RO60: variants seen among roughly 807,000 people sequenced by gnomAD.
RO60 encodes the protein RNA-binding protein RO60.
RO60 carries 20 observed loss-of-function variants against 55.3 expected under a neutral mutation model. The ratio of observed to expected loss-of-function variants is 0.36; its 90% confidence interval spans 0.25 to 0.53. The LOEUF (loss-of-function observed/expected upper bound fraction) is 0.53. Among genes scored for constraint, RO60 ranks in the 20% least tolerant of loss-of-function variants. RO60 has a pLI of 0.92. For synonymous variants in RO60, 213 were observed against 213.6 expected (o/e 1.00, Z 0.02); for missense variants, 558 against 646.6 (o/e 0.86, Z 1.49).
intron 2 of RO60, among the ~76,000 whole-genome samples, chr1:193,071,298 T>TATAC (rs1257070689): frequency 1.3e-5 from 2 of 152,218 alleles, no homozygotes; most frequent in Non-Finnish European, 2.9e-5. Flanking sequence ...GCCCTTGCTG[T>TATAC]ATATCAGATG....
At chr1:193,067,761 C>T (rs1264017581) in intron 1 of RO60, among the ~76,000 whole-genome samples, 1 of 152,088 alleles carries the variant, frequency 6.6e-6, no homozygotes, top group Non-Finnish European at 1.5e-5. Context: ...ACAGCTAGTT[C>T]TAGGAGTTTT....
intron 1 of RO60, among the ~76,000 whole-genome samples, chr1:193,062,353 G>A (rs1166031524): frequency 6.6e-6 from 1 of 152,176 alleles, no homozygotes; most frequent in African/African-American, 2.4e-5. Flanking sequence ...GCTTTTAAAA[G>A]TCAAATATAA....
rs778493226 is a variant in RO60 at position 193,082,266 on chromosome 1, G to A, written c.1284G>A (p.Met428Ile). The change falls in exon 7 of 9, where the codon ATG (methionine) becomes ATA (isoleucine). Residue 428 changes from methionine (M) to isoleucine (I), a missense_variant. By Grantham distance (10) the Met-to-Ile change is conservative. Coordinates refer to ENST00000400968, the MANE Select transcript of RO60 (RefSeq NM_001173524.2). ...EMVPCPVTTD[M>I]TLQQVLMAMS... is the part of the protein sequence containing the mutation. ...TACCATGTCCAGTGACTACAGATAT[G>A]ACCTTACAACAGGTTTTAATGGCTA... is the stretch of plus-strand genomic sequence containing the variant. 6.2e-7 allele frequency: 1 copy of A among 1,612,862 alleles called. No homozygotes were observed. Among genetic ancestry groups the A allele is most frequent in the African/African-American group, 1.3e-5 (1 of 74,858 alleles).
intron 1 of RO60, among the ~76,000 whole-genome samples, chr1:193,064,988 A>T (rs949212349): frequency 1.3e-5 from 2 of 152,176 alleles, no homozygotes; most frequent in African/African-American, 4.8e-5. Context: ...TTTCTTTAGA[A>T]CTTTATTTTT....
At chr1:193,082,839 A>C in intron 8 of RO60, 131 bp downstream of exon 8, 12 of 685,546 alleles carry the variant, frequency 1.8e-5, no homozygotes, top group Middle Eastern at 4.2e-4. Flanking sequence ...GTCATAGCTC[A>C]CTGCAACCTC....
At chr1:193,061,375 CAG>C (rs1672702731) in intron 1 of RO60, among the ~76,000 whole-genome samples, 1 of 152,168 alleles carries the variant, frequency 6.6e-6, no homozygotes, top group Non-Finnish European at 1.5e-5. Context: ...ATAGATATGT[CAG>C]CTTTGACTTC....
intron 2 of RO60, among the ~76,000 whole-genome samples, chr1:193,072,514 A>G (rs1673590163): frequency 6.7e-6 from 1 of 150,258 alleles, no homozygotes; most frequent in Non-Finnish European, 1.5e-5. Flanking sequence ...CCATGTCTTC[A>G]TAGGTTTATG....
rs1211326652 is a variant in RO60, at chr1:193,088,708, T to C, written c.*3977T>C. On this transcript the variant is annotated 3_prime_UTR_variant, in exon 9 of 9. Coordinates refer to ENST00000400968, the MANE Select transcript of RO60 (RefSeq NM_001173524.2). The stretch of plus-strand genomic sequence containing the variant: ...TAAGGCACTATCCCCTCTGGAGAAA[T>C]GTCATATGGCATCAGTGTAAACATG... The C allele has an allele frequency of 6.6e-6, 1 of 152,126 alleles. No homozygotes were observed. The highest frequency in any genetic ancestry group is 1.5e-5 in the Non-Finnish European group (1 of 68,010). The allele number at this position is 152,126 out of a possible 1,614,324, so 9.4% of individuals were successfully genotyped here.
intron 1 of RO60, among the ~76,000 whole-genome samples, chr1:193,065,303 C>CACAATGAATAAT (rs1673031067): frequency 6.6e-6 from 1 of 152,082 alleles, no homozygotes; most frequent in Non-Finnish European, 1.5e-5. Context: ...TACATGTGGT[C>CACAATGAATAAT]ACAATGAATA....
At chr1:193,091,393 T>G (rs1674851853), downstream of RO60, 2 of 340,818 alleles carry the variant, frequency 5.9e-6, no homozygotes, top group African/African-American at 4.3e-5. Context: ...GTGCTTAAAG[T>G]TATGTAAAAT....
intron 2 of RO60, among the ~76,000 whole-genome samples, chr1:193,070,146 C>CAAAAAAAAAAAAAAAAAAAAAAA (rs112979908): frequency 1.2e-5 from 1 of 86,190 alleles, no homozygotes; most frequent in Non-Finnish European, 2.6e-5. Flanking sequence ...AGTAGAAAAG[C>CAAAAAAAAAAAAAAAAAAAAAAA]AAAAAAAAAA....
At chr1:193,082,345 C>A in intron 7 of RO60, 46 bp downstream of exon 7, 1 of 1,438,146 alleles carries the variant, frequency 7.0e-7, no homozygotes, top group Non-Finnish European at 9.6e-7. Flanking sequence ...GTTTACATAA[C>A]GTGTAGAATG....
intron 5 of RO60, among the ~76,000 whole-genome samples, chr1:193,077,459 A>G (rs1429349511): frequency 6.6e-6 from 1 of 152,178 alleles, no homozygotes; most frequent in Admixed American, 6.5e-5. Flanking sequence ...ATCATGGCAG[A>G]AGGGGAAGCA....
At chr1:193,060,236 G>C in intron 1 of RO60, 2 of 592,294 alleles carry the variant, frequency 3.4e-6, no homozygotes, top group Non-Finnish European at 5.0e-6. Flanking sequence ...TGTCCATGGG[G>C]CTGCTAGACT....
intron 8 of RO60, among the ~76,000 whole-genome samples, chr1:193,084,234 G>T (rs1223277167): frequency 6.6e-6 from 1 of 152,130 alleles, no homozygotes; most frequent in Non-Finnish European, 1.5e-5. Context: ...CATACACACT[G>T]CCCCAGCATT....
Position 193,069,455 on chromosome 1 carries a change from A to T in RO60, c.401A>T (p.Asp134Val). 6.2e-7 allele frequency: 1 copy of T among 1,614,226 alleles called. No homozygotes were observed. Among genetic ancestry groups the T allele is most frequent in the Non-Finnish European group, 8.5e-7 (1 of 1,180,036 alleles). Reference protein sequence around the residue: ...HLFTFIQFKKDLKESMKCGMW... With the variant: ...HLFTFIQFKKVLKESMKCGMW... ...TTTACTTTTATCCAGTTTAAGAAAG[A>T]TCTGAAGGAAAGCATGAAATGTGGC... is the stretch of plus-strand genomic sequence containing the variant. The change falls in exon 2 of 9, where the codon GAT becomes GTT. Residue 134 changes from aspartate (D) to valine (V), a missense_variant. Physicochemically the swap from Asp to Val is radical, Grantham distance 152. Coordinates refer to ENST00000400968, the MANE Select transcript of RO60 (RefSeq NM_001173524.2).
At chr1:193,079,070 T>C (rs984136361) in intron 5 of RO60, among the ~76,000 whole-genome samples, 11 of 149,946 alleles carry the variant, frequency 7.3e-5, no homozygotes, top group East Asian at 2.0e-4. Context: ...CTTGCATATA[T>C]GTTCAGTTGA....
At chr1:193,061,551 A>G (rs1465270635) in intron 1 of RO60, among the ~76,000 whole-genome samples, 2 of 152,260 alleles carry the variant, frequency 1.3e-5, no homozygotes, top group Non-Finnish European at 2.9e-5. Context: ...AAGATACTGT[A>G]TATGCTGTAG....
In RO60 at chr1:193,082,183, C is replaced by T. The variant is rs199833143; in HGVS notation, c.1204-3C>T. The T allele has an allele frequency of 1.8e-5, 29 of 1,600,206 alleles. No homozygotes were observed. The African/African-American group carries it at 3.1e-4, about 17-fold the overall frequency. On this transcript the variant is annotated splice_polypyrimidine_tract_variant and splice_region_variant and intron_variant, in intron 6 of 8. Coordinates refer to ENST00000400968, the MANE Select transcript of RO60 (RefSeq NM_001173524.2). ...TGAAAATTACTGCCATTGAATTTTT[C>T]AGGTTGTCACACGAACAGAAAAAGA... is the stretch of plus-strand genomic sequence containing the variant.
Sources: allele counts gnomAD v4.1 joint callset (sites outside exome capture counted in the v4.1 genomes callset), GRCh38; gene constraint gnomAD v4.1.1; transcripts MANE v1.5; gene names NCBI Gene and HGNC (gene_info 2026-07-23, HGNC 2026-07-21).